GRIA1: variants seen among roughly 807,000 people sequenced by gnomAD.
The protein encoded by GRIA1 is glutamate receptor 1.
Under a neutral mutation model 99.2 loss-of-function variants are expected in GRIA1, and 31 were observed. The observed-to-expected ratio is 0.31, with a 90% CI of 0.23 to 0.42. GRIA1 has a LOEUF of 0.42. GRIA1 is among the 10% of genes least tolerant of loss of function. The probability of loss-of-function intolerance (pLI) is 1.00; values close to 1 mark genes in which losing one functional copy is unlikely to be tolerated. For missense variants in GRIA1, 782 were observed against 1,157.5 expected (o/e 0.68, Z 4.71); for synonymous variants, 438 against 432.4 (o/e 1.01, Z -0.16).
At chr5:153,778,275 A>G (rs1483754458) in intron 13 of GRIA1, among the ~76,000 whole-genome samples, 1 of 151,700 alleles carries the variant, frequency 6.6e-6, no homozygotes, top group African/African-American at 2.4e-5. Context: ...TCTCAGGTCA[A>G]GACATGTGGG....
chr5:153,794,823 C>A, intron 14 of GRIA1, 88 bp downstream of exon 14: 3 of 733,880 alleles, frequency 4.1e-6, no homozygotes, highest in Non-Finnish European at 7.1e-6. Flanking sequence ...ACCTATCCTG[C>A]TTCCTAATAC....
chr5:153,582,092 C>G (rs1763093475), intron 2 of GRIA1, among the ~76,000 whole-genome samples: 1 of 152,166 alleles, frequency 6.6e-6, no homozygotes, highest in Non-Finnish European at 1.5e-5. Context: ...TCCTGAATCT[C>G]TAGCATGGAA....
intron 2 of GRIA1, among the ~76,000 whole-genome samples, chr5:153,531,992 G>A (rs1758136295): frequency 6.6e-6 from 1 of 151,902 alleles, no homozygotes; most frequent in Non-Finnish European, 1.5e-5. Context: ...CCCTCTCTAG[G>A]GAAACTTAAT....
At chr5:153,688,120 ATCT>A (rs1285073941) in intron 8 of GRIA1, among the ~76,000 whole-genome samples, 3 of 152,182 alleles carry the variant, frequency 2.0e-5, no homozygotes, top group Non-Finnish European at 4.4e-5. Context: ...CTATCATCAC[ATCT>A]TCTCGCTAAC....
chr5:153,713,053 GC>G (rs1759429074), intron 11 of GRIA1, among the ~76,000 whole-genome samples: 1 of 152,178 alleles, frequency 6.6e-6, no homozygotes, highest in Non-Finnish European at 1.5e-5. Context: ...GGCCCATATG[GC>G]AGCTAGAAAT....
rs138960796 is a variant in GRIA1 at position 153,692,030 on chromosome 5, A to G, written c.1134+5701A>G. Among the ~76,000 whole-genome samples, 176 of 152,248 alleles carry G rather than the reference A, an allele frequency of 1.2e-3. 4 individuals are homozygous for G. In the East Asian group the frequency reaches 0.033, roughly 29 times the overall value. On this transcript the variant is annotated intron_variant, in intron 8 of 15. Coordinates refer to ENST00000285900, the MANE Select transcript of GRIA1 (RefSeq NM_000827.4). ...CTCTTTCTCTAGCTCATTTCTCTGC[A>G]GTTACACTGGCATCTTTGCATTCCT... is the stretch of plus-strand genomic sequence containing the variant.
intron 2 of GRIA1, among the ~76,000 whole-genome samples, chr5:153,609,843 G>A (rs1267327598): frequency 6.6e-6 from 1 of 152,004 alleles, no homozygotes; most frequent in Non-Finnish European, 1.5e-5. Flanking sequence ...TTACAGGCAT[G>A]AGCCACCGAG....
chr5:153,631,688 T>A (rs1012689866), intron 2 of GRIA1, among the ~76,000 whole-genome samples: 17 of 152,196 alleles, frequency 1.1e-4, no homozygotes, highest in African/African-American at 3.9e-4. Context: ...TGCTTCACAG[T>A]GTTTTAAGTT....
intron 2 of GRIA1, among the ~76,000 whole-genome samples, chr5:153,561,794 T>C (rs993117357): frequency 3.4e-4 from 52 of 152,182 alleles, no homozygotes; most frequent in Admixed American, 3.3e-4. Flanking sequence ...CAAAGTGCTA[T>C]AGTGGTTCAA....
chr5:153,685,698 T>C (rs913277740), intron 7 of GRIA1, among the ~76,000 whole-genome samples: 18 of 152,220 alleles, frequency 1.2e-4, no homozygotes, highest in African/African-American at 4.3e-4. Flanking sequence ...AATTGCCAAG[T>C]ATTTTATTCC....
intron 11 of GRIA1, 44 bp downstream of exon 11, chr5:153,706,111 T>G (rs1482457259): frequency 1.4e-6 from 2 of 1,382,816 alleles, no homozygotes; most frequent in Non-Finnish European, 2.0e-6. Flanking sequence ...GCTATGGTTT[T>G]GTTTGTTTGT....
intron 2 of GRIA1, among the ~76,000 whole-genome samples, chr5:153,588,746 C>T (rs1207319814): frequency 6.6e-6 from 1 of 152,126 alleles, no homozygotes; most frequent in Non-Finnish European, 1.5e-5. Flanking sequence ...TTAGACTATA[C>T]AGCCTACTCA....
At chr5:153,543,524 C>T (rs1265312910) in intron 2 of GRIA1, among the ~76,000 whole-genome samples, 5 of 151,968 alleles carry the variant, frequency 3.3e-5, no homozygotes, top group Non-Finnish European at 7.4e-5. Context: ...TTGATACAGG[C>T]CATATGATGT....
chr5:153,636,230 G>T (rs1374277547), intron 2 of GRIA1, among the ~76,000 whole-genome samples: 2 of 152,074 alleles, frequency 1.3e-5, no homozygotes, highest in African/African-American at 4.8e-5. Context: ...CATCCTTCCT[G>T]CCCTGCCTAC....
At chr5:153,804,460 G>A (rs1039813252) in intron 15 of GRIA1, among the ~76,000 whole-genome samples, 1 of 152,150 alleles carries the variant, frequency 6.6e-6, no homozygotes, top group South Asian at 2.1e-4. Context: ...AAGGGGAACA[G>A]GACAAGAACT....
Position 153,738,728 on chromosome 5 carries a change from T to C in GRIA1, c.1824-25706T>C, listed in dbSNP as rs748421683. On this transcript the variant is annotated intron_variant, in intron 11 of 15. Coordinates refer to ENST00000285900, the MANE Select transcript of GRIA1 (RefSeq NM_000827.4). ...GTTCATCTCCATACCTTCTTTTTTT[T>C]TTTTTTTTTTGGAGAAGGCATTTCG... Among the ~76,000 whole-genome samples, 1,266 of 147,090 alleles carry C rather than the reference T, an allele frequency of 8.6e-3. 16 individuals carry two copies. The highest frequency in any genetic ancestry group is 0.014 in the South Asian group (62 of 4,364).
At chr5:153,612,481 G>A (rs528406840) in intron 2 of GRIA1, among the ~76,000 whole-genome samples, 2 of 152,330 alleles carry the variant, frequency 1.3e-5, no homozygotes, top group South Asian at 4.1e-4. Flanking sequence ...TATACAAGGT[G>A]GATATTAGAA....
rs201931109 is a variant in GRIA1 at position 153,566,716 on chromosome 5, C to A, written c.220+72651C>A. On this transcript the variant is annotated intron_variant, in intron 2 of 15. Transcript: ENST00000285900. ...TCAGATATACATTTGCAAATATTGT[C>A]TTTTTTTTTTTTTTTTTGAGACGGA... Among the ~76,000 whole-genome samples, 7 of 116,558 alleles carry A rather than the reference C, an allele frequency of 6.0e-5. No individual in the cohort carries two copies. The East Asian group carries it at 9.9e-4, about 17-fold the overall frequency. The allele number at this position is 116,558 out of a possible 152,430, so 76.5% of individuals were successfully genotyped here.
chr5:153,640,344 C>A (rs1445638878), intron 2 of GRIA1, among the ~76,000 whole-genome samples: 2 of 152,328 alleles, frequency 1.3e-5, no homozygotes, highest in Non-Finnish European at 2.9e-5. Flanking sequence ...TCTTGTGAGT[C>A]TCAAATGAAT....
Sources: gnomAD v4.1 joint callset for allele counts (sites outside exome capture counted in the v4.1 genomes callset) on GRCh38, gnomAD v4.1.1 for gene constraint, MANE v1.5 for transcripts, NCBI Gene and HGNC (gene_info 2026-07-23, HGNC 2026-07-21) for gene names.